SPTA1: variants seen among roughly 807,000 people sequenced by gnomAD.
SPTA1 encodes spectrin alpha, erythrocytic 1, also known as spectrin alpha chain, erythrocytic 1.
A neutral mutation model predicts 324.7 loss-of-function variants in SPTA1; 177 were observed. The ratio of observed to expected loss-of-function variants is 0.55; its 90% CI spans 0.48 to 0.62. The LOEUF (loss-of-function observed/expected upper bound fraction) is 0.62, where lower values mean the gene tolerates loss of function less well. Ranked by LOEUF, SPTA1 falls within the 20% of genes least tolerant of loss-of-function variation. The pLI is 0.00. For missense variants in SPTA1, 3,162 were observed against 2,883.6 expected (o/e 1.10, Z -2.21); for synonymous variants, 1,195 against 1,041.3 (o/e 1.15, Z -2.84).
At chr1:158,655,447 G>A (rs1279134044) in intron 20 of SPTA1, among the ~76,000 whole-genome samples, 1 of 152,020 alleles carries the variant, frequency 6.6e-6, no homozygotes, top group African/African-American at 2.4e-5. Context: ...CCTTCCTCAG[G>A]TTGGAGTTGA....
At chr1:158,647,787 C>G in intron 26 of SPTA1, 67 bp from the exon 27 acceptor site, 1 of 1,559,454 alleles carries the variant, frequency 6.4e-7, no homozygotes, top group Non-Finnish European at 8.8e-7. Flanking sequence ...AAAGGAGAAT[C>G]CTGAGTCCCA....
chr1:158,676,639 G>T (rs115034335), intron 7 of SPTA1, among the ~76,000 whole-genome samples: 1 of 152,056 alleles, frequency 6.6e-6, no homozygotes, highest in Non-Finnish European at 1.5e-5. Context: ...AATGTCAGGA[G>T]CAAGGTTCCA....
At chr1:158,661,175 G>A in intron 18 of SPTA1, 112 bp downstream of exon 18, 1 of 1,543,154 alleles carries the variant, frequency 6.5e-7, no homozygotes, top group Middle Eastern at 1.7e-4. Flanking sequence ...CATTAAGTGG[G>A]AAAATGAGTC....
intron 3 of SPTA1, among the ~76,000 whole-genome samples, chr1:158,683,038 T>A (rs957001013): frequency 6.6e-6 from 1 of 152,110 alleles, no homozygotes; most frequent in Non-Finnish European, 1.5e-5. Context: ...ACATTGAGGT[T>A]AGAGGAAATA....
chr1:158,657,354 A>T, intron 19 of SPTA1, 123 bp downstream of exon 19: 1 of 1,019,790 alleles, frequency 9.8e-7, no homozygotes, highest in Non-Finnish European at 1.5e-6. Context: ...AACGGCGACC[A>T]CTCTGGAAAC....
At chr1:158,683,321 TG>T in intron 3 of SPTA1, 49 bp downstream of exon 3, 1 of 1,611,790 alleles carries the variant, frequency 6.2e-7, no homozygotes, top group South Asian at 1.1e-5. Flanking sequence ...GTTAAAACCC[TG>T]ATAACATAAT....
At chr1:158,662,308 C>A (rs1346345592) in intron 17 of SPTA1, among the ~76,000 whole-genome samples, 1 of 152,182 alleles carries the variant, frequency 6.6e-6, no homozygotes, top group Non-Finnish European at 1.5e-5. Flanking sequence ...GCTTTATCTG[C>A]TACTTCACCC....
intron 14 of SPTA1, among the ~76,000 whole-genome samples, chr1:158,668,657 G>A (rs1469752164): frequency 6.6e-6 from 1 of 152,176 alleles, no homozygotes; most frequent in Admixed American, 6.5e-5. Context: ...TGGTAAATGT[G>A]AAGGTTTGTA....
chr1:158,672,280 C>T, intron 10 of SPTA1, 84 bp from the exon 11 acceptor site: 2 of 1,416,340 alleles, frequency 1.4e-6, no homozygotes, highest in South Asian at 1.3e-5. Flanking sequence ...AAATGCAAAG[C>T]CATTTAAGGA....
chr1:158,625,910 G>A (rs1006975883), intron 42 of SPTA1, among the ~76,000 whole-genome samples: 1 of 151,024 alleles, frequency 6.6e-6, no homozygotes, highest in African/African-American at 2.4e-5. Flanking sequence ...CAAAAACCCA[G>A]AGAAAAATTA....
chr1:158,631,705 C>T (rs1428027729), intron 39 of SPTA1, among the ~76,000 whole-genome samples: 3 of 152,104 alleles, frequency 2.0e-5, no homozygotes, highest in African/African-American at 7.2e-5. Flanking sequence ...AGATGCTTCA[C>T]ATTATTAACC....
chr1:158,639,546 T>G (rs751491929), intron 35 of SPTA1, 36 bp downstream of exon 35: 2 of 1,602,732 alleles, frequency 1.2e-6, no homozygotes, highest in Admixed American at 3.3e-5. Context: ...AATATTTCTA[T>G]TCTGCCCAGA....
At position 158,610,919 on chromosome 1, in the gene SPTA1, A is replaced by G. The variant is rs1571362488; in HGVS notation, c.*345T>C. The G allele has an allele frequency of 9.5e-6, 2 of 211,232 alleles. No individual in the cohort carries two copies. Among genetic ancestry groups the G allele is most frequent in the East Asian group, 2.4e-4 (2 of 8,384 alleles). The allele number at this position is 211,232 out of a possible 1,614,324, so 13.1% of individuals were successfully genotyped here. ...TAACTTTGCCCCAAAAAATATTTTT[A>G]AAAAGAATTACTTTATTCTATAATC... On this transcript the variant is annotated 3_prime_UTR_variant, in exon 52 of 52. Coordinates refer to ENST00000643759, the MANE Select transcript of SPTA1 (RefSeq NM_003126.4).
intron 8 of SPTA1, among the ~76,000 whole-genome samples, chr1:158,675,499 T>G (rs1654331266): frequency 1.3e-5 from 2 of 152,100 alleles, no homozygotes; most frequent in African/African-American, 2.4e-5. Context: ...CCTTTATTTG[T>G]GGGAGATACA....
chr1:158,636,580 T>C, intron 37 of SPTA1, 61 bp downstream of exon 37: 1 of 1,587,454 alleles, frequency 6.3e-7, no homozygotes, highest in East Asian at 2.2e-5. Flanking sequence ...TATTTATCTG[T>C]AACACAAGGG....
chr1:158,624,479 T>C (rs1011879154), intron 42 of SPTA1, among the ~76,000 whole-genome samples: 11 of 152,328 alleles, frequency 7.2e-5, no homozygotes, highest in African/African-American at 2.6e-4. Context: ...TTAATGACTG[T>C]CCTGTTGGAT....
At position 158,680,648 on chromosome 1, in the gene SPTA1, C is replaced by G. The variant is rs759960346; in HGVS notation, c.613G>C (p.Val205Leu). ...VLHKKFEDFQ[V>L]ELVAKEGRVV... is the part of the protein sequence containing the mutation. ...CTCCCTTCTTTAGCTACCAGCTCCA[C>G]TTGGAAGTCTTCAAATTTCTTATGC... Residue 205 changes from valine to leucine, a missense_variant, in exon 5 of 52, where the codon GTG (valine) becomes CTG (leucine). By Grantham distance (32) the Val-to-Leu change is conservative. Transcript: ENST00000643759. 6.8e-6 allele frequency: 11 copies of G among 1,613,822 alleles called. No individual in the cohort carries two copies. Among genetic ancestry groups the G allele is most frequent in the Non-Finnish European group, 8.5e-6 (10 of 1,179,894 alleles).
Position 158,662,712 on chromosome 1 carries a change from G to C in SPTA1, c.2454C>G (p.Ser818=). ...WIQETEPSAT[S]TYLGKDLIAS... ...TCAGGCTGTACTAACCAAGGTAGGT[G>C]GAAGTAGCTGAGGGTTCAGTCTCTT... Residue 818 remains serine, a synonymous_variant, in exon 17 of 52, where the codon TCC becomes TCG. Transcript: ENST00000643759. 6.2e-7 allele frequency: 1 copy of C among 1,613,872 alleles called. No individual in the cohort carries two copies. Among genetic ancestry groups the C allele is most frequent in the Non-Finnish European group, 8.5e-7 (1 of 1,179,932 alleles).
chr1:158,612,736 T>A, intron 51 of SPTA1, 81 bp downstream of exon 51: 1 of 1,557,242 alleles, frequency 6.4e-7, no homozygotes, highest in Non-Finnish European at 8.8e-7. Context: ...GTGGGTTTTT[T>A]CAAAGTAGGC....
Sources: allele counts gnomAD v4.1 joint callset (sites outside exome capture counted in the v4.1 genomes callset), GRCh38; gene constraint gnomAD v4.1.1; transcripts MANE v1.5; gene names NCBI Gene and HGNC (gene_info 2026-07-23, HGNC 2026-07-21).